The following COL28A1 variants were observed in gnomAD, a reference collection of about 807,000 sequenced individuals.
COL28A1 encodes the protein collagen alpha-1(XXVIII) chain.
Under a neutral mutation model 150.2 loss-of-function variants are expected in COL28A1, and 161 were observed. The ratio of observed to expected loss-of-function variants is 1.07; its 90% CI spans 0.94 to 1.22. COL28A1 has a LOEUF of 1.22. Ranked by LOEUF, COL28A1 falls within the 50% of genes most tolerant of loss-of-function variation. The pLI, the probability that COL28A1 is intolerant of heterozygous loss-of-function variation, is 0.00. For missense variants in COL28A1, 1,617 were observed against 1,388.3 expected, an observed-to-expected ratio of 1.16 and a Z score of -2.62; for synonymous variants, 552 against 469.7, an observed-to-expected ratio of 1.18 and a Z score of -2.26.
chr7:7,510,070 C>T (rs1187261552), intron 9 of COL28A1, among the ~76,000 whole-genome samples: 1 of 151,998 alleles, frequency 6.6e-6, no homozygotes, highest in Non-Finnish European at 1.5e-5. Context: ...TGACTCCCTT[C>T]CAGAATTATA....
chr7:7,392,998 C>T (rs117364796), intron 27 of COL28A1, among the ~76,000 whole-genome samples: 2 of 152,134 alleles, frequency 1.3e-5, no homozygotes, highest in Admixed American at 6.5e-5. Context: ...AATTCATTCT[C>T]GATCAGTTTT....
At chr7:7,403,775 T>A (rs753640898) in intron 27 of COL28A1, among the ~76,000 whole-genome samples, 1 of 152,202 alleles carries the variant, frequency 6.6e-6, no homozygotes. Context: ...AGTCCAGATA[T>A]AAAATACAGT....
chr7:7,437,023 G>A (rs923765445), intron 22 of COL28A1, among the ~76,000 whole-genome samples: 6 of 152,240 alleles, frequency 3.9e-5, no homozygotes, highest in Non-Finnish European at 8.8e-5. Context: ...AGGGGAAAGA[G>A]TGAGACTGTC....
chr7:7,506,736 A>G (rs996373955), intron 10 of COL28A1, among the ~76,000 whole-genome samples: 1 of 152,210 alleles, frequency 6.6e-6, no homozygotes, highest in Admixed American at 6.5e-5. Flanking sequence ...ATATACTGTG[A>G]TTTAGATAAA....
chr7:7,367,211 G>A lies in COL28A1; in HGVS notation c.3066+3514C>T, dbSNP rs151301451. Among the ~76,000 whole-genome samples the A allele has an allele frequency of 3.4e-4, 52 of 152,310 alleles. 1 individual carries two copies. In the East Asian group the frequency reaches 7.5e-3, roughly 22 times the overall value. On this transcript the variant is annotated intron_variant, in intron 33 of 34. Transcript: ENST00000399429. ...ATAGGCTAAACTATCTAGCCCAGGTGTGTAGTAGGCTATACTATCTAGATT... is the reference window on the plus strand; with the variant it reads ...ATAGGCTAAACTATCTAGCCCAGGTATGTAGTAGGCTATACTATCTAGATT...
chr7:7,507,115 A>C lies in COL28A1; in HGVS notation c.972+2T>G. On this transcript the variant is annotated splice_donor_variant, in intron 10 of 34. Transcript: ENST00000399429. LOFTEE classifies it high-confidence loss of function. ...ACTTAGATTTGGTTTTAACCCCCTT[A>C]CCTGAATTCCTCTGGGTCCCTTTGG... 1 of 1,222,302 alleles carries C rather than the reference A, an allele frequency of 8.2e-7. No individual in the cohort carries two copies. The highest frequency in any genetic ancestry group is 1.2e-6 in the Non-Finnish European group (1 of 823,432). 75.7% of individuals were successfully genotyped at this position (1,222,302 alleles called of 1,614,324 possible).
chr7:7,339,193 C>T, the COL28A1 span, among the ~76,000 whole-genome samples: 1 of 152,244 alleles, frequency 6.6e-6, no homozygotes, highest in East Asian at 1.9e-4. Flanking sequence ...AGCTGATACA[C>T]CCCATGTCTA....
At chr7:7,534,015 G>A (rs1490336286) in intron 1 of COL28A1, among the ~76,000 whole-genome samples, 1 of 152,124 alleles carries the variant, frequency 6.6e-6, no homozygotes. Context: ...TCTGAGTAGA[G>A]AGTGGAAATA....
rs1308211431 is a variant in COL28A1, at chr7:7,373,200, G to C, written c.2706C>G (p.Ile902Met). The C allele has an allele frequency of 6.2e-7, 1 of 1,614,162 alleles. No individual in the cohort carries two copies. Among genetic ancestry groups the C allele is most frequent in the Admixed American group, 1.7e-5 (1 of 60,022 alleles). Residue 902 changes from isoleucine to methionine, a missense_variant, in exon 32 of 35, where the codon ATC becomes ATG. Coordinates refer to ENST00000399429, the MANE Select transcript of COL28A1 (RefSeq NM_001037763.3). The surrounding 1 kb of genome is among the most constrained non-coding windows in gnomAD (Gnocchi z 4.1). The part of the protein sequence containing the change: ...RPGVKKVALV[I>M]TDGQTDSRDK... The stretch of plus-strand genomic sequence containing the variant: ...CACGAGAATCTGTCTGTCCATCAGT[G>C]ATGACCAAGGCCACTTTTTTTACAC...
chr7:7,387,298 C>T (rs765414969), intron 27 of COL28A1, among the ~76,000 whole-genome samples: 6 of 152,068 alleles, frequency 3.9e-5, no homozygotes, highest in Non-Finnish European at 7.4e-5. Context: ...TTTGCTGGAA[C>T]ACATAAAACT....
At chr7:7,503,104 T>C (rs1282200892) in intron 11 of COL28A1, among the ~76,000 whole-genome samples, 3 of 152,124 alleles carry the variant, frequency 2.0e-5, no homozygotes, top group Non-Finnish European at 2.9e-5. Context: ...ACTTCCACAC[T>C]GTCAAAAAGA....
intron 27 of COL28A1, among the ~76,000 whole-genome samples, chr7:7,410,938 G>GT (rs1366856139): frequency 2.0e-5 from 3 of 151,922 alleles, no homozygotes; most frequent in Non-Finnish European, 4.4e-5. Flanking sequence ...CGAATAAATC[G>GT]TTTCTATTTG....
intron 25 of COL28A1, among the ~76,000 whole-genome samples, chr7:7,422,935 C>A (rs58289482): frequency 6.6e-6 from 1 of 152,168 alleles, no homozygotes; most frequent in African/African-American, 2.4e-5. Context: ...AGGGAGGAGT[C>A]TACTTTGATT....
chr7:7,452,886 A>G (rs1457585389), intron 17 of COL28A1, among the ~76,000 whole-genome samples: 2 of 152,228 alleles, frequency 1.3e-5, no homozygotes, highest in Admixed American at 6.5e-5. Flanking sequence ...ATAGTCTCAG[A>G]GAAGTATTTT....
At chr7:7,456,429 G>A (rs1301460282) in intron 15 of COL28A1, among the ~76,000 whole-genome samples, 1 of 151,908 alleles carries the variant, frequency 6.6e-6, no homozygotes, top group Non-Finnish European at 1.5e-5. Context: ...GATTGTAACA[G>A]AAATATTTAA....
At chr7:7,480,904 C>G (rs1047937878) in intron 13 of COL28A1, among the ~76,000 whole-genome samples, 1 of 152,176 alleles carries the variant, frequency 6.6e-6, no homozygotes, top group Non-Finnish European at 1.5e-5. Flanking sequence ...GCACAACATC[C>G]TCCTCAAAAT....
At position 7,373,341 on chromosome 7, in the gene COL28A1, G is replaced by C; in HGVS notation, c.2565C>G (p.Phe855Leu). 2.5e-6 allele frequency: 4 copies of C among 1,614,180 alleles called. No individual in the cohort carries two copies. The highest frequency in any genetic ancestry group is 3.4e-6 in the Non-Finnish European group (4 of 1,180,032). ...CCAACTTGAAGTCATCCTTGCTGGA[G>C]AACTGCTTCAAATTAGCCACCTTCT... ...KVEKVANLKQFSSKDDFKLAV... is the reference protein window; with the variant it reads ...KVEKVANLKQLSSKDDFKLAV... The change falls in exon 32 of 35, where the codon TTC becomes TTG. Residue 855 changes from phenylalanine (F) to leucine (L), a missense_variant. Transcript: ENST00000399429. This position sits in a 1 kb window ranked among gnomAD's most constrained non-coding sequence, Gnocchi z 4.1.
At chr7:7,353,034 T>C (rs556795187), downstream of COL28A1, among the ~76,000 whole-genome samples, 23 of 152,278 alleles carry the variant, frequency 1.5e-4, no homozygotes, top group Non-Finnish European at 2.9e-4. Flanking sequence ...TGAATAGCTG[T>C]TACATTGTGC....
the COL28A1 span, among the ~76,000 whole-genome samples, chr7:7,342,111 GGTTAT>G: frequency 3.3e-5 from 5 of 151,790 alleles, no homozygotes; most frequent in African/African-American, 9.7e-5. Flanking sequence ...TATCTTTTGA[GGTTAT>G]GTTATTAGAT....
Sources: allele counts gnomAD v4.1 joint callset (sites outside exome capture counted in the v4.1 genomes callset), GRCh38; gene constraint gnomAD v4.1.1; non-coding constraint Gnocchi (gnomAD v3.1); transcripts MANE v1.5; gene names NCBI Gene and HGNC (gene_info 2026-07-23, HGNC 2026-07-21).